The following SHANK2 variants were observed in gnomAD, a reference collection of about 807,000 sequenced individuals.
The protein encoded by SHANK2 is SH3 and multiple ankyrin repeat domains protein 2.
Under a neutral mutation model 133.7 loss-of-function variants are expected in SHANK2, and 43 were observed. The ratio of observed to expected loss-of-function variants is 0.32; its 90% CI spans 0.25 to 0.41. The LOEUF (loss-of-function observed/expected upper bound fraction) is 0.41, where lower values mean the gene tolerates loss of function less well. Among genes scored for constraint, SHANK2 ranks in the 10% least tolerant of loss-of-function variants. The pLI is 1.00. For synonymous variants in SHANK2, 1,017 were observed against 952.8 expected (o/e 1.07, Z -1.24); for missense variants, 1,994 against 2,235.8 (o/e 0.89, Z 2.18).
At chr11:70,498,736 G>A (rs984166616) in intron 21 of SHANK2, among the ~76,000 whole-genome samples, 2 of 152,138 alleles carry the variant, frequency 1.3e-5, no homozygotes, top group East Asian at 1.9e-4. Flanking sequence ...GACCATGCAC[G>A]GGGGGCTTAA....
At chr11:71,219,300 C>T (rs909144871) in intron 2 of SHANK2, among the ~76,000 whole-genome samples, 5 of 152,200 alleles carry the variant, frequency 3.3e-5, no homozygotes, top group South Asian at 2.1e-4. Context: ...GAGATGAGCA[C>T]GGCTGGGTGC....
At chr11:71,173,457 C>A (rs902394869) in intron 2 of SHANK2, among the ~76,000 whole-genome samples, 5 of 152,258 alleles carry the variant, frequency 3.3e-5, no homozygotes, top group Admixed American at 2.0e-4. Flanking sequence ...TGGAAATATC[C>A]TGACTGTCCA....
intron 9 of SHANK2, among the ~76,000 whole-genome samples, chr11:71,073,780 T>A (rs949355217): frequency 6.6e-6 from 1 of 152,194 alleles, no homozygotes; most frequent in Non-Finnish European, 1.5e-5. Flanking sequence ...GCCTGCTTTT[T>A]TCATGTGATG....
intron 10 of SHANK2, among the ~76,000 whole-genome samples, chr11:70,939,446 C>T (rs1231560057): frequency 6.6e-6 from 1 of 151,840 alleles, no homozygotes. Flanking sequence ...CCATTGCACT[C>T]CAGCCTGGGC....
rs1236941961 is a variant in SHANK2 at position 71,081,473 on chromosome 11, C to T, written c.913-6198G>A. Among the ~76,000 whole-genome samples, 5 of 152,322 alleles carry T rather than the reference C, an allele frequency of 3.3e-5. No homozygotes were observed. In the East Asian group the frequency reaches 9.7e-4, roughly 29 times the overall value. ...CACCTTCCCCATGGAGCCCATCACT[C>T]TCATAACATGATTTTTGGAAAGATG... On this transcript the variant is annotated intron_variant, in intron 8 of 25. Coordinates refer to ENST00000601538, the MANE Select transcript of SHANK2 (RefSeq NM_012309.5).
chr11:70,518,554 C>T (rs11236504), intron 17 of SHANK2, among the ~76,000 whole-genome samples: 38,614 of 152,080 alleles, frequency 0.25, 5,080 homozygotes, highest in South Asian at 0.33. Flanking sequence ...CTAGGCTTTC[C>T]CCATTCCTCT....
intron 6 of SHANK2, among the ~76,000 whole-genome samples, chr11:71,106,988 G>A (rs1951811528): frequency 6.6e-6 from 1 of 152,152 alleles, no homozygotes; most frequent in African/African-American, 2.4e-5. Context: ...GGTGCCACAT[G>A]CCTGTAGTCC....
chr11:71,105,607 A>G (rs1278042660), intron 6 of SHANK2, among the ~76,000 whole-genome samples: 1 of 151,160 alleles, frequency 6.6e-6, no homozygotes, highest in Non-Finnish European at 1.5e-5. Context: ...AAAAAAAAAA[A>G]AAAAAAAGAA....
At chr11:70,501,995 G>C in intron 19 of SHANK2, 64 bp from the exon 20 acceptor site, 1 of 1,529,664 alleles carries the variant, frequency 6.5e-7, no homozygotes. Flanking sequence ...AGGAAAGGCA[G>C]GACTAGCAAC....
At chr11:70,746,083 C>T (rs1268944755) in intron 14 of SHANK2, among the ~76,000 whole-genome samples, 1 of 152,224 alleles carries the variant, frequency 6.6e-6, no homozygotes, top group East Asian at 1.9e-4. Flanking sequence ...TGACCCGAGA[C>T]AGGGCTGAGG....
intron 3 of SHANK2, among the ~76,000 whole-genome samples, chr11:71,138,820 AAAAAG>A (rs1251833096): frequency 6.8e-6 from 1 of 147,410 alleles, no homozygotes; most frequent in Non-Finnish European, 1.5e-5. Context: ...AAAGAAAAAG[AAAAAG>A]AAAAAGAAAA....
chr11:71,201,382 G>A (rs880000792), intron 2 of SHANK2, among the ~76,000 whole-genome samples: 2 of 152,206 alleles, frequency 1.3e-5, no homozygotes, highest in Non-Finnish European at 1.5e-5. Context: ...GCTGCCCACC[G>A]CTGCCCGCCC....
rs188936981 is a variant in SHANK2 at position 71,146,137 on chromosome 11, A to C, written c.207+983T>G. Among the ~76,000 whole-genome samples, 116 of 152,194 alleles carry C rather than the reference A, an allele frequency of 7.6e-4. 1 individual carries two copies. The East Asian group carries it at 8.7e-3, about 11-fold the overall frequency. On this transcript the variant is annotated intron_variant, in intron 3 of 25. Transcript: ENST00000601538. ...TGTGAAATGTTCGCAGGCCAACCCT[A>C]CTAGGCGCCTGTTTGCAACCATTAT...
chr11:70,818,354 C>T (rs951150696), intron 12 of SHANK2, among the ~76,000 whole-genome samples: 1 of 152,202 alleles, frequency 6.6e-6, no homozygotes, highest in Non-Finnish European at 1.5e-5. Flanking sequence ...TTCTGTCCCC[C>T]GTTCCTCACA....
chr11:70,935,902 G>A (rs1950564683), intron 10 of SHANK2, among the ~76,000 whole-genome samples: 1 of 152,202 alleles, frequency 6.6e-6, no homozygotes, highest in Admixed American at 6.5e-5. Context: ...AGGTTAAGCA[G>A]GGATTTGGAC....
chr11:71,071,808 C>T (rs1001767065), intron 9 of SHANK2, among the ~76,000 whole-genome samples: 4 of 152,096 alleles, frequency 2.6e-5, no homozygotes, highest in Non-Finnish European at 5.9e-5. Flanking sequence ...AGATTCCACC[C>T]CGGAGGCCAC....
intron 14 of SHANK2, among the ~76,000 whole-genome samples, chr11:70,786,157 C>T (rs1232312092): frequency 3.3e-5 from 5 of 152,320 alleles, no homozygotes; most frequent in Middle Eastern, 3.4e-3. Context: ...TTATAAATGA[C>T]GGGGCAATAA....
intron 17 of SHANK2, among the ~76,000 whole-genome samples, chr11:70,570,286 C>G (rs57183091): frequency 0.24 from 37,240 of 152,102 alleles, 4,723 homozygotes; most frequent in Middle Eastern, 0.33. Context: ...AGGTCGCTCC[C>G]GTTCTTGATG....
At chr11:71,082,183 G>C (rs1951309871) in intron 8 of SHANK2, among the ~76,000 whole-genome samples, 1 of 152,210 alleles carries the variant, frequency 6.6e-6, no homozygotes, top group Non-Finnish European at 1.5e-5. Context: ...GCCACTCCTG[G>C]CTGGCACTGT....
Sources: allele counts gnomAD v4.1 joint callset (sites outside exome capture counted in the v4.1 genomes callset), GRCh38; gene constraint gnomAD v4.1.1; transcripts MANE v1.5; gene names NCBI Gene and HGNC (gene_info 2026-07-23, HGNC 2026-07-21).